Variants in ZDHHC3 observed in about 807,000 individuals in gnomAD.
ZDHHC3 encodes palmitoyltransferase ZDHHC3.
ZDHHC3 carries 9 observed loss-of-function variants against 30.6 expected under a neutral mutation model. The observed-to-expected ratio is 0.29, with a 90% confidence interval of 0.18 to 0.51. The LOEUF (loss-of-function observed/expected upper bound fraction) is 0.51, where lower values mean the gene tolerates loss of function less well. Among genes scored for constraint, ZDHHC3 ranks in the 20% least tolerant of loss-of-function variants. ZDHHC3 has a pLI of 0.97. For synonymous variants in ZDHHC3, 136 were observed against 140.2 expected (o/e 0.97, Z 0.21); for missense variants, 246 against 384.2 (o/e 0.64, Z 3.01).
In ZDHHC3 at chr3:44,918,207, C is replaced by T; in HGVS notation, c.*8482G>A. 8.0e-7 allele frequency: 1 copy of T among 1,248,692 alleles called. No individual in the cohort carries two copies. The highest frequency in any genetic ancestry group is 1.0e-6 in the Non-Finnish European group (1 of 959,918). The allele number at this position is 1,248,692 out of a possible 1,614,324, so 77.4% of individuals were successfully genotyped here. A position where few individuals can be genotyped will look rare whatever the true frequency, so the allele number is the denominator to read the frequency against. The stretch of plus-strand genomic sequence containing the variant: ...TGCTGGGCTGTACAGCTCACATAGA[C>T]ACCCCCAGCTATAGCATAGCAGTGG... On this transcript the variant is annotated 3_prime_UTR_variant, in exon 7 of 7. Transcript: ENST00000424952.
At chr3:44,937,247 C>CA (rs1333819158) in intron 3 of ZDHHC3, among the ~76,000 whole-genome samples, 4 of 152,232 alleles carry the variant, frequency 2.6e-5, no homozygotes, top group Admixed American at 2.6e-4. Context: ...GAGTTCAAGA[C>CA]AGCCTGGGCA....
In ZDHHC3 at chr3:44,923,756, T is replaced by C; in HGVS notation, c.*2933A>G. The C allele has an allele frequency of 3.1e-6, 3 of 953,032 alleles. No homozygotes were observed. The highest frequency in any genetic ancestry group is 3.7e-6 in the Non-Finnish European group (3 of 800,632). The allele number at this position is 953,032 out of a possible 1,614,324, so 59.0% of individuals were successfully genotyped here. On this transcript the variant is annotated 3_prime_UTR_variant, in exon 7 of 7. Coordinates refer to ENST00000424952, the MANE Select transcript of ZDHHC3 (RefSeq NM_001135179.2). ...AGTTCAAGGCTGCAGTGAGCTCTAA[T>C]TGTGCCACTGCATTCCAGCCTGGGT... is the stretch of plus-strand genomic sequence containing the variant.
At position 44,922,611 on chromosome 3, in the gene ZDHHC3, C is replaced by A; in HGVS notation, c.*4078G>T. Reference sequence around the variant, plus strand: ...TGCTGAGCCCAGCAGCACACAAGACCCATATCACCAGCAGGCATCAGGGAC... The same window carrying A: ...TGCTGAGCCCAGCAGCACACAAGACACATATCACCAGCAGGCATCAGGGAC... On this transcript the variant is annotated 3_prime_UTR_variant, in exon 7 of 7. Transcript: ENST00000424952. The A allele has an allele frequency of 1.0e-6, 1 of 985,328 alleles. No individual in the cohort carries two copies. Among genetic ancestry groups the A allele is most frequent in the Non-Finnish European group, 1.2e-6 (1 of 829,912 alleles). The allele number at this position is 985,328 out of a possible 1,614,324, so 61.0% of individuals were successfully genotyped here.
Position 44,925,412 on chromosome 3 carries a change from T to G in ZDHHC3, c.*1277A>C. 1.0e-6 allele frequency: 1 copy of G among 985,642 alleles called. No individual in the cohort carries two copies. The allele number at this position is 985,642 out of a possible 1,614,324, so 61.1% of individuals were successfully genotyped here. On this transcript the variant is annotated 3_prime_UTR_variant, in exon 7 of 7. Coordinates refer to ENST00000424952, the MANE Select transcript of ZDHHC3 (RefSeq NM_001135179.2). ...TGTGTGAGAATTCCCCGATGGTCAA[T>G]AATCATATTTGTTATTTTTGCACTT...
At chr3:44,964,906 AATT>A (rs1191330404) in intron 1 of ZDHHC3, among the ~76,000 whole-genome samples, 3 of 152,192 alleles carry the variant, frequency 2.0e-5, no homozygotes, top group South Asian at 2.1e-4. Context: ...TGTTCAAAGT[AATT>A]ATTATTTTCA....
chr3:44,916,961 A>G lies in ZDHHC3; in HGVS notation c.*9728T>C, dbSNP rs1575737593. Reference sequence around the variant, plus strand: ...TGGGAGAACTGGCCTTTTCAAACACACAGGCAGGGTTTATGGTCAGTTCTA... The same window carrying G: ...TGGGAGAACTGGCCTTTTCAAACACGCAGGCAGGGTTTATGGTCAGTTCTA... On this transcript the variant is annotated 3_prime_UTR_variant, in exon 7 of 7. Coordinates refer to ENST00000424952, the MANE Select transcript of ZDHHC3 (RefSeq NM_001135179.2). The G allele has an allele frequency of 6.6e-6, 1 of 152,342 alleles. No individual in the cohort carries two copies. Among genetic ancestry groups the G allele is most frequent in the African/African-American group, 2.4e-5 (1 of 41,584 alleles). 9.4% of individuals were successfully genotyped at this position (152,342 alleles called of 1,614,324 possible). A position where few individuals can be genotyped will look rare whatever the true frequency, so the allele number is the denominator to read the frequency against.
Position 44,922,070 on chromosome 3 carries a change from G to C in ZDHHC3, c.*4619C>G, listed in dbSNP as rs867427667. The C allele has an allele frequency of 1.9e-5, 19 of 985,316 alleles. No homozygotes were observed. Among genetic ancestry groups the C allele is most frequent in the Admixed American group, 6.1e-5 (1 of 16,266 alleles). 61.0% of individuals were successfully genotyped at this position (985,316 alleles called of 1,614,324 possible). The stretch of plus-strand genomic sequence containing the variant: ...CAGCAAGATGTTTACTTGAGGGAGA[G>C]GGTGAGAAAAAGAAGGTTCAGGTTG... On this transcript the variant is annotated 3_prime_UTR_variant, in exon 7 of 7. Transcript: ENST00000424952.
In ZDHHC3 at chr3:44,924,861, G is replaced by C. The variant is rs77921119; in HGVS notation, c.*1828C>G. 3.1e-4 allele frequency: 304 copies of C among 985,528 alleles called. No homozygotes were observed. The highest frequency in any genetic ancestry group is 3.6e-4 in the Non-Finnish European group (295 of 829,942). The allele number at this position is 985,528 out of a possible 1,614,324, so 61.0% of individuals were successfully genotyped here. A position where few individuals can be genotyped will look rare whatever the true frequency, so the allele number is the denominator to read the frequency against. On this transcript the variant is annotated 3_prime_UTR_variant, in exon 7 of 7. Coordinates refer to ENST00000424952, the MANE Select transcript of ZDHHC3 (RefSeq NM_001135179.2). The stretch of plus-strand genomic sequence containing the variant: ...TTTTCTTTTTAATCTTAGCATCTCA[G>C]CCTCGCCCGTATCGCATGAATAGCA...
At chr3:44,962,495 A>AGAAGAAAGGAAGGAAG (rs1704563116) in intron 1 of ZDHHC3, among the ~76,000 whole-genome samples, 1 of 112,202 alleles carries the variant, frequency 8.9e-6, no homozygotes, top group African/African-American at 3.4e-5. Context: ...AAAGGGAGAG[A>AGAAGAAAGGAAGGAAG]GAAGGAAGGA....
intron 1 of ZDHHC3, among the ~76,000 whole-genome samples, chr3:44,972,030 C>A (rs1705446820): frequency 6.6e-6 from 1 of 152,074 alleles, no homozygotes; most frequent in African/African-American, 2.4e-5. Context: ...TTAAAGGAAA[C>A]AGATCTACAG....
chr3:44,932,850 C>A, intron 5 of ZDHHC3: 1 of 1,565,130 alleles, frequency 6.4e-7, no homozygotes. Context: ...TTGGGGCCTG[C>A]ATTCTCCCTG....
chr3:44,959,079 G>C lies in ZDHHC3; in HGVS notation c.306+52C>G, dbSNP rs1209073357. 2 of 1,592,810 alleles carry C rather than the reference G, an allele frequency of 1.3e-6. No individual in the cohort carries two copies. Among genetic ancestry groups the C allele is most frequent in the East Asian group, 2.2e-5 (1 of 44,680 alleles). ...GAACATGCAGGCTGTGGCCATGCCA[G>C]AGCCAGAGGAGGAGAGTGTGGGCTG... On this transcript the variant is annotated intron_variant, in intron 2 of 6. Coordinates refer to ENST00000424952, the MANE Select transcript of ZDHHC3 (RefSeq NM_001135179.2). This position sits in a 1 kb window ranked among gnomAD's most constrained non-coding sequence, Gnocchi z 4.3.
chr3:44,952,076 ATCTC>A (rs1309374250), intron 2 of ZDHHC3, among the ~76,000 whole-genome samples: 2 of 152,094 alleles, frequency 1.3e-5, no homozygotes, highest in East Asian at 1.9e-4. Flanking sequence ...GAATCTGCAG[ATCTC>A]TCTATTTGGC....
Position 44,924,781 on chromosome 3 carries a change from T to A in ZDHHC3, c.*1908A>T, listed in dbSNP as rs1700852705. 6.1e-6 allele frequency: 6 copies of A among 985,260 alleles called. No individual in the cohort carries two copies. Among genetic ancestry groups the A allele is most frequent in the South Asian group, 9.4e-5 (2 of 21,288 alleles). 61.0% of individuals were successfully genotyped at this position (985,260 alleles called of 1,614,324 possible). ...AACTGAGCTGTATGTTATGAAAAAATTTTAAAAAAGCATATGGAAAACAAA... is the reference window on the plus strand; with the variant it reads ...AACTGAGCTGTATGTTATGAAAAAAATTTAAAAAAGCATATGGAAAACAAA... On this transcript the variant is annotated 3_prime_UTR_variant, in exon 7 of 7. Transcript: ENST00000424952.
chr3:44,968,512 T>C (rs190856280), intron 1 of ZDHHC3, among the ~76,000 whole-genome samples: 6 of 152,204 alleles, frequency 3.9e-5, no homozygotes, highest in Admixed American at 2.0e-4. Context: ...CTGGGCAATA[T>C]AGCGAGACCT....
chr3:44,928,466 T>A (rs930549852), intron 6 of ZDHHC3, among the ~76,000 whole-genome samples: 1 of 152,112 alleles, frequency 6.6e-6, no homozygotes, highest in Admixed American at 6.5e-5. Flanking sequence ...AAGCTGACCC[T>A]GAGGTGGCCT....
In ZDHHC3 at chr3:44,919,644, A is replaced by C. The variant is rs1008928884; in HGVS notation, c.*7045T>G. Among the ~76,000 whole-genome samples, 2 of 152,262 alleles carry C rather than the reference A, an allele frequency of 1.3e-5. No individual in the cohort carries two copies. Among genetic ancestry groups the C allele is most frequent in the Admixed American group, 1.3e-4 (2 of 15,282 alleles). Reference sequence around the variant, plus strand: ...GATGCAGTGTGGGATCCTGGAACAGAAAAGGGTGTTAATGGGACAACTGGA... The same window carrying C: ...GATGCAGTGTGGGATCCTGGAACAGCAAAGGGTGTTAATGGGACAACTGGA... On this transcript the variant is annotated 3_prime_UTR_variant, in exon 7 of 7. Transcript: ENST00000424952.
At chr3:44,945,578 A>C (rs1702850991) in intron 2 of ZDHHC3, among the ~76,000 whole-genome samples, 1 of 151,786 alleles carries the variant, frequency 6.6e-6, no homozygotes, top group Admixed American at 6.6e-5. Flanking sequence ...TTTTAGACAG[A>C]GTCTTGCTCT....
In ZDHHC3 at chr3:44,924,162, G is replaced by A. The variant is rs1315904751; in HGVS notation, c.*2527C>T. 1.0e-6 allele frequency: 1 copy of A among 985,316 alleles called. No homozygotes were observed. The highest frequency in any genetic ancestry group is 1.2e-6 in the Non-Finnish European group (1 of 829,940). The allele number at this position is 985,316 out of a possible 1,614,324, so 61.0% of individuals were successfully genotyped here. On this transcript the variant is annotated 3_prime_UTR_variant, in exon 7 of 7. Transcript: ENST00000424952. ...GTACTATCAGAACTCCTGTGACCAAGCCAAAAGTTGGGGCTGACTTTGTGT... is the reference window on the plus strand; with the variant it reads ...GTACTATCAGAACTCCTGTGACCAAACCAAAAGTTGGGGCTGACTTTGTGT...
Sources: allele counts gnomAD v4.1 joint callset (sites outside exome capture counted in the v4.1 genomes callset), GRCh38; gene constraint gnomAD v4.1.1; non-coding constraint Gnocchi (gnomAD v3.1); transcripts MANE v1.5; gene names NCBI Gene and HGNC (gene_info 2026-07-23, HGNC 2026-07-21).